DPP10: variants seen among roughly 807,000 people sequenced by gnomAD.
The protein encoded by DPP10 is dipeptidyl peptidase like 10, also known as inactive dipeptidyl peptidase 10.
In DPP10, 33 loss-of-function variants were observed where a neutral mutation model predicts 120.9. The ratio of observed to expected loss-of-function variants is 0.27; its 90% CI spans 0.21 to 0.37. The LOEUF is 0.37. Among genes scored for constraint, DPP10 ranks in the 10% least tolerant of loss-of-function variants. The pLI, the probability that DPP10 is intolerant of heterozygous loss-of-function variation, is 1.00. For missense variants in DPP10, 816 were observed against 942.8 expected, an observed-to-expected ratio of 0.87 and a Z score of 1.76; for synonymous variants, 337 against 326.1, an observed-to-expected ratio of 1.03 and a Z score of -0.36.
chr2:114,612,230 T>C (rs909727090), intron 1 of DPP10, among the ~76,000 whole-genome samples: 18 of 152,184 alleles, frequency 1.2e-4, no homozygotes, highest in Non-Finnish European at 2.6e-4. Context: ...CTTATGCCTT[T>C]GAGTCTGCCA....
At chr2:115,623,563 G>A (rs1170599392) in intron 5 of DPP10, among the ~76,000 whole-genome samples, 1 of 152,182 alleles carries the variant, frequency 6.6e-6, no homozygotes, top group African/African-American at 2.4e-5. Context: ...GGATAATGCA[G>A]TGAGGAGCAA....
At chr2:114,706,411 G>A (rs1026647786) in intron 1 of DPP10, among the ~76,000 whole-genome samples, 3 of 152,166 alleles carry the variant, frequency 2.0e-5, no homozygotes, top group Non-Finnish European at 4.4e-5. Flanking sequence ...TGTGAACAGG[G>A]TTGGTTTCTT....
intron 1 of DPP10, among the ~76,000 whole-genome samples, chr2:114,624,446 G>C (rs905126244): frequency 5.3e-5 from 8 of 151,890 alleles, no homozygotes; most frequent in Admixed American, 6.6e-5. Flanking sequence ...ATTATCATGT[G>C]AATATTATCA....
At chr2:114,788,383 A>G (rs1356354629) in intron 1 of DPP10, among the ~76,000 whole-genome samples, 1 of 151,920 alleles carries the variant, frequency 6.6e-6, no homozygotes, top group Non-Finnish European at 1.5e-5. Flanking sequence ...AATTCTCAGT[A>G]GTTGAATTAT....
intron 1 of DPP10, among the ~76,000 whole-genome samples, chr2:115,239,184 T>C (rs2105550511): frequency 6.6e-6 from 1 of 152,252 alleles, no homozygotes; most frequent in East Asian, 1.9e-4. Context: ...ATATCCAGGA[T>C]CAATAGCTTG....
intron 1 of DPP10, among the ~76,000 whole-genome samples, chr2:114,614,501 A>G (rs1003740039): frequency 2.6e-5 from 4 of 152,336 alleles, no homozygotes; most frequent in Admixed American, 2.6e-4. Flanking sequence ...AAACATCCAA[A>G]GAATAAATCC....
chr2:114,510,293 T>A (rs1684020717), intron 1 of DPP10, among the ~76,000 whole-genome samples: 1 of 152,216 alleles, frequency 6.6e-6, no homozygotes, highest in Admixed American at 6.5e-5. Flanking sequence ...TTGTTACACC[T>A]CACAGGCTAG....
chr2:115,607,893 AAAG>A (rs1442715897), intron 5 of DPP10, among the ~76,000 whole-genome samples: 1 of 152,190 alleles, frequency 6.6e-6, no homozygotes, highest in Non-Finnish European at 1.5e-5. Context: ...TGATTAACTT[AAAG>A]TCTTAAAGAT....
intron 5 of DPP10, among the ~76,000 whole-genome samples, chr2:115,644,068 T>C (rs2149357093): frequency 6.6e-6 from 1 of 152,278 alleles, no homozygotes; most frequent in South Asian, 2.1e-4. Context: ...AAATCCAGTC[T>C]CATACTGCAC....
In DPP10 at chr2:114,717,158, A is replaced by G. The variant is rs1701401412; in HGVS notation, c.60+274320A>G. On this transcript the variant is annotated intron_variant, in intron 1 of 25. Transcript: ENST00000410059. The stretch of plus-strand genomic sequence containing the variant: ...GTACATTCCCGTTAAGATTTCTTCA[A>G]AAACTTCCATTAGGAGACGACTTTG... Among the ~76,000 whole-genome samples, 5 of 152,286 alleles carry G rather than the reference A, an allele frequency of 3.3e-5. No homozygotes were observed. The South Asian group carries it at 1.0e-3, about 32-fold the overall frequency.
intron 1 of DPP10, among the ~76,000 whole-genome samples, chr2:114,509,016 AAGAG>A (rs374283145): frequency 1.3e-4 from 19 of 150,370 alleles, no homozygotes; most frequent in Admixed American, 4.6e-4. Flanking sequence ...GAGAGTGAGA[AAGAG>A]AGAGAGAGAG....
At chr2:114,583,502 T>C (rs1690708788) in intron 1 of DPP10, among the ~76,000 whole-genome samples, 1 of 152,222 alleles carries the variant, frequency 6.6e-6, no homozygotes, top group Non-Finnish European at 1.5e-5. Flanking sequence ...GAATTGAATA[T>C]ATGTATAATC....
chr2:115,163,231 A>G (rs1285219456), intron 1 of DPP10, among the ~76,000 whole-genome samples: 1 of 152,166 alleles, frequency 6.6e-6, no homozygotes, highest in Non-Finnish European at 1.5e-5. Context: ...AGCTGTCCAA[A>G]TCGCCCAGGA....
At chr2:114,748,915 ACCC>A (rs1574097264) in intron 1 of DPP10, among the ~76,000 whole-genome samples, 1 of 121,710 alleles carries the variant, frequency 8.2e-6, no homozygotes, top group East Asian at 2.3e-4. Flanking sequence ...TTGGGTATAT[ACCC>A]AGTAATGGGA....
chr2:114,591,345 G>T (rs1691444563), intron 1 of DPP10, among the ~76,000 whole-genome samples: 1 of 152,172 alleles, frequency 6.6e-6, no homozygotes, highest in African/African-American at 2.4e-5. Context: ...CAGTAGTAAA[G>T]CAAAGTCATG....
intron 19 of DPP10, among the ~76,000 whole-genome samples, chr2:115,804,224 G>A (rs1026485504): frequency 3.3e-5 from 5 of 152,130 alleles, no homozygotes; most frequent in Non-Finnish European, 7.4e-5. Flanking sequence ...TGATCGCATC[G>A]GTTACTGAGG....
At chr2:114,943,466 G>A (rs1403392765) in intron 1 of DPP10, among the ~76,000 whole-genome samples, 1 of 152,092 alleles carries the variant, frequency 6.6e-6, no homozygotes, top group Non-Finnish European at 1.5e-5. Context: ...TAGAGATAGG[G>A]TTTCACCATG....
chr2:115,423,238 T>C (rs537108384), intron 3 of DPP10, among the ~76,000 whole-genome samples: 5 of 152,108 alleles, frequency 3.3e-5, no homozygotes, highest in Non-Finnish European at 7.4e-5. Context: ...TTGTCTTCTT[T>C]AAAAGAGGTT....
At chr2:115,575,464 GTCTTTGTTCCTAAAAGA>G (rs1163962187) in intron 5 of DPP10, among the ~76,000 whole-genome samples, 1 of 152,066 alleles carries the variant, frequency 6.6e-6, no homozygotes, top group Non-Finnish European at 1.5e-5. Context: ...TACATTTATT[GTCTTTGTTCCTAAAAGA>G]TCAAACGTAG....
Sources: gnomAD v4.1 joint callset for allele counts (sites outside exome capture counted in the v4.1 genomes callset) on GRCh38, gnomAD v4.1.1 for gene constraint, MANE v1.5 for transcripts, NCBI Gene and HGNC (gene_info 2026-07-23, HGNC 2026-07-21) for gene names.